LRFN2: variants seen among roughly 807,000 people sequenced by gnomAD.
LRFN2 encodes the protein leucine-rich repeat and fibronectin type-III domain-containing protein 2.
LRFN2 carries 18 observed loss-of-function variants against 37.3 expected under a neutral mutation model. The observed-to-expected ratio is 0.48, with a 90% CI of 0.33 to 0.72. The LOEUF is 0.72. LRFN2 is among the 30% of genes least tolerant of loss of function. LRFN2 has a pLI of 0.02. For synonymous variants in LRFN2, 556 were observed against 466.6 expected, an observed-to-expected ratio of 1.19 and a Z score of -2.47; for missense variants, 1,006 against 1,060.7, an observed-to-expected ratio of 0.95 and a Z score of 0.72.
chr6:40,418,199 C>T (rs1763139704), intron 2 of LRFN2, among the ~76,000 whole-genome samples: 1 of 152,158 alleles, frequency 6.6e-6, no homozygotes. Context: ...ATGCATCCCT[C>T]CCCAGGGCCT....
intron 1 of LRFN2, among the ~76,000 whole-genome samples, chr6:40,552,167 C>T (rs976412215): frequency 2.0e-5 from 3 of 152,198 alleles, no homozygotes; most frequent in Admixed American, 6.5e-5. Context: ...ACTCCAAAAC[C>T]TGCTGAATTA....
In LRFN2 at chr6:40,482,570, T is replaced by A. The variant is rs564464711; in HGVS notation, c.-18-49439A>T. On this transcript the variant is annotated intron_variant, in intron 1 of 2. Transcript: ENST00000338305. ...AGCAAATAAAACCTCCAAACTTTTT[T>A]AAATTTCTTTTTCTTTTTTCTTTTT... 3.3e-4 allele frequency among the ~76,000 whole-genome samples: 51 copies of A among 152,374 alleles called. No individual in the cohort carries two copies. In the South Asian group the frequency reaches 9.1e-3, roughly 27 times the overall value.
intron 1 of LRFN2, among the ~76,000 whole-genome samples, chr6:40,558,406 C>G (rs997910340): frequency 6.6e-6 from 1 of 152,208 alleles, no homozygotes; most frequent in Non-Finnish European, 1.5e-5. Context: ...AAGAACCTGT[C>G]CCTCCATTTT....
chr6:40,526,296 T>G (rs1454462856), intron 1 of LRFN2, among the ~76,000 whole-genome samples: 1 of 152,204 alleles, frequency 6.6e-6, no homozygotes, highest in Non-Finnish European at 1.5e-5. Context: ...AGCAATGGTG[T>G]GTGTATGCGT....
intron 1 of LRFN2, among the ~76,000 whole-genome samples, chr6:40,556,806 A>C (rs1766900811): frequency 6.7e-6 from 1 of 148,478 alleles, no homozygotes; most frequent in African/African-American, 2.5e-5. Flanking sequence ...GATTTCTTGA[A>C]CTCCTGTTCC....
At chr6:40,410,735 C>T (rs1762949072) in intron 2 of LRFN2, among the ~76,000 whole-genome samples, 1 of 152,210 alleles carries the variant, frequency 6.6e-6, no homozygotes, top group South Asian at 2.1e-4. Context: ...AGGACCCCTC[C>T]TGGTGGCAGA....
intron 1 of LRFN2, among the ~76,000 whole-genome samples, chr6:40,483,096 C>A (rs1357571488): frequency 1.3e-5 from 2 of 152,272 alleles, no homozygotes; most frequent in East Asian, 3.8e-4. Context: ...CGCTGCCTGA[C>A]TCTGGCAAGT....
At chr6:40,538,960 T>C (rs1226660425) in intron 1 of LRFN2, among the ~76,000 whole-genome samples, 2 of 152,332 alleles carry the variant, frequency 1.3e-5, no homozygotes, top group African/African-American at 2.4e-5. Context: ...ACCCCAGGTA[T>C]TCACCTCACC....
At chr6:40,574,577 C>T (rs953406485) in intron 1 of LRFN2, among the ~76,000 whole-genome samples, 2 of 152,220 alleles carry the variant, frequency 1.3e-5, no homozygotes, top group Non-Finnish European at 2.9e-5. Flanking sequence ...GTATAAGCTT[C>T]ACTTTACCTT....
chr6:40,586,422 A>G (rs1453524111), intron 1 of LRFN2, among the ~76,000 whole-genome samples: 1 of 151,920 alleles, frequency 6.6e-6, no homozygotes, highest in Non-Finnish European at 1.5e-5. Flanking sequence ...ACCTGCCCCC[A>G]CAAACTGCAA....
intron 1 of LRFN2, among the ~76,000 whole-genome samples, chr6:40,548,321 A>G (rs1234224199): frequency 6.6e-6 from 1 of 152,088 alleles, no homozygotes; most frequent in Non-Finnish European, 1.5e-5. Context: ...GGCACCTGTA[A>G]TTCCAGTTAC....
chr6:40,522,318 G>A (rs777257746), intron 1 of LRFN2, among the ~76,000 whole-genome samples: 17 of 152,292 alleles, frequency 1.1e-4, no homozygotes, highest in Admixed American at 2.0e-4. Context: ...GGAAGTTGGG[G>A]TATTTGAGTG....
chr6:40,578,259 G>A (rs951269494), intron 1 of LRFN2, among the ~76,000 whole-genome samples: 12 of 152,208 alleles, frequency 7.9e-5, no homozygotes, highest in African/African-American at 1.7e-4. Flanking sequence ...CTTCCCCACC[G>A]TGGTTTATTT....
At chr6:40,504,577 C>T (rs1435918152) in intron 1 of LRFN2, among the ~76,000 whole-genome samples, 1 of 152,062 alleles carries the variant, frequency 6.6e-6, no homozygotes, top group African/African-American at 2.4e-5. Flanking sequence ...TGAGAGCCTC[C>T]TCCCCAAGAA....
intron 1 of LRFN2, among the ~76,000 whole-genome samples, chr6:40,447,202 A>C (rs1301095151): frequency 8.5e-5 from 13 of 152,244 alleles, no homozygotes. Context: ...GTTTTCCAAG[A>C]AAAGTATTTC....
At chr6:40,460,431 A>G (rs1424453557) in intron 1 of LRFN2, among the ~76,000 whole-genome samples, 2 of 152,144 alleles carry the variant, frequency 1.3e-5, no homozygotes, top group Non-Finnish European at 2.9e-5. Context: ...TGGACCTACC[A>G]TGAGCATAGG....
chr6:40,465,754 C>T (rs990734896), intron 1 of LRFN2, among the ~76,000 whole-genome samples: 2 of 152,018 alleles, frequency 1.3e-5, no homozygotes, highest in South Asian at 2.1e-4. Flanking sequence ...GAGAGATACC[C>T]CACAATACCA....
chr6:40,550,993 G>A (rs1314050053), intron 1 of LRFN2, among the ~76,000 whole-genome samples: 4 of 152,308 alleles, frequency 2.6e-5, no homozygotes, highest in East Asian at 1.9e-4. Context: ...GATGGGAGTC[G>A]TTGCCTTCAA....
chr6:40,585,991 G>A (rs1454932481), intron 1 of LRFN2, among the ~76,000 whole-genome samples: 2 of 152,192 alleles, frequency 1.3e-5, no homozygotes, highest in Non-Finnish European at 2.9e-5. Flanking sequence ...GTCTGCAGCT[G>A]TCTGCTGTCG....
Sources: gnomAD v4.1 joint callset for allele counts (sites outside exome capture counted in the v4.1 genomes callset) on GRCh38, gnomAD v4.1.1 for gene constraint, MANE v1.5 for transcripts, NCBI Gene and HGNC (gene_info 2026-07-23, HGNC 2026-07-21) for gene names.